The following PCDHGA8 variants were observed in gnomAD, a reference collection of about 807,000 sequenced individuals.
PCDHGA8 encodes the protein protocadherin gamma-A8.
In PCDHGA8, 45 loss-of-function variants were observed where a neutral mutation model predicts 59.2. The observed-to-expected ratio is 0.76, with a 90% CI of 0.60 to 0.98. The LOEUF (loss-of-function observed/expected upper bound fraction) is 0.98. Ranked by LOEUF, PCDHGA8 falls within the 50% of genes least tolerant of loss-of-function variation. The pLI, the probability that PCDHGA8 is intolerant of heterozygous loss-of-function variation, is 0.00. For synonymous variants in PCDHGA8, 531 were observed against 519.0 expected (o/e 1.02, Z -0.32); for missense variants, 1,257 against 1,196.2 (o/e 1.05, Z -0.75).
chr5:141,465,520 G>C (rs2099104807), intron 1 of PCDHGA8, among the ~76,000 whole-genome samples: 1 of 152,144 alleles, frequency 6.6e-6, no homozygotes, highest in Non-Finnish European at 1.5e-5. Flanking sequence ...GAAGGATTCT[G>C]GGGAAGTTTT....
intron 1 of PCDHGA8, chr5:141,484,966 G>C: frequency 1.7e-6 from 1 of 583,968 alleles, no homozygotes. Context: ...GAGCCCGGGA[G>C]CCGCTGTCTG....
chr5:141,412,534 A>G (rs1324712420), intron 1 of PCDHGA8: 1 of 152,192 alleles, frequency 6.6e-6, no homozygotes, highest in African/African-American at 2.4e-5. Context: ...ACAATTATAA[A>G]GCTTCAGAGT....
chr5:141,417,023 T>C (rs2096074487), intron 1 of PCDHGA8: 1 of 139,106 alleles, frequency 7.2e-6, no homozygotes, highest in South Asian at 2.3e-4. Flanking sequence ...TTTTGAAAAA[T>C]ACAGGTTTTT....
chr5:141,473,988 G>A (rs1006988447), intron 1 of PCDHGA8, among the ~76,000 whole-genome samples: 1 of 152,118 alleles, frequency 6.6e-6, no homozygotes, highest in African/African-American at 2.4e-5. Flanking sequence ...AGGATCCCTT[G>A]AGCCCAAGGA....
intron 1 of PCDHGA8, among the ~76,000 whole-genome samples, chr5:141,484,107 A>C (rs13361997): frequency 0.24 from 37,195 of 152,070 alleles, 6,332 homozygotes; most frequent in African/African-American, 0.48. Context: ...TAATTAACAA[A>C]AGATCAAGAA....
chr5:141,492,552 T>A (rs1444534113), intron 1 of PCDHGA8, among the ~76,000 whole-genome samples: 1 of 152,084 alleles, frequency 6.6e-6, no homozygotes, highest in African/African-American at 2.4e-5. Context: ...CCGGGTCGCC[T>A]GGGGGGCGGC....
At chr5:141,483,648 T>TTGTGTG (rs111458813) in intron 1 of PCDHGA8, among the ~76,000 whole-genome samples, 20,229 of 149,628 alleles carry the variant, frequency 0.14, 2,147 homozygotes, top group African/African-American at 0.31. Context: ...GGGTGTGTGT[T>TTGTGTG]TGTGTGTGTG....
At chr5:141,450,796 G>GTATT (rs1490825772) in intron 1 of PCDHGA8, among the ~76,000 whole-genome samples, 8 of 145,976 alleles carry the variant, frequency 5.5e-5, no homozygotes, top group African/African-American at 1.8e-4. Flanking sequence ...CCTCATGATT[G>GTATT]TATTTATTTA....
At position 141,432,298 on chromosome 5, in the gene PCDHGA8, A is replaced by G; in HGVS notation, c.2424+37061A>G. 6.2e-7 allele frequency: 1 copy of G among 1,614,236 alleles called. No homozygotes were observed. The highest frequency in any genetic ancestry group is 8.5e-7 in the Non-Finnish European group (1 of 1,180,036). The stretch of plus-strand genomic sequence containing the variant: ...TGTCCATCAACTCCGACACTGGGGT[A>G]CTGTATGCGCTGAGCTCCTTCGACT... On this transcript the variant is annotated intron_variant, in intron 1 of 3. Transcript: ENST00000398604. This position sits in a 1 kb window ranked among gnomAD's most constrained non-coding sequence, Gnocchi z 6.0.
At position 141,410,538 on chromosome 5, in the gene PCDHGA8, T is replaced by C. The variant is rs373020361; in HGVS notation, c.2424+15301T>C. The C allele has an allele frequency of 5.6e-6, 9 of 1,613,830 alleles. No homozygotes were observed. The South Asian group carries it at 7.7e-5, about 14-fold the overall frequency. On this transcript the variant is annotated intron_variant, in intron 1 of 3. Transcript: ENST00000398604. ...GTGCCCCTACATTCCAATGAAGACA[T>C]GGTTTGCAGTGTTTCTCCTGGAGCC...
chr5:141,478,801 T>G (rs2099477985), intron 1 of PCDHGA8: 1 of 1,463,438 alleles, frequency 6.8e-7, no homozygotes, highest in African/African-American at 1.4e-5. Flanking sequence ...TCAGCACTCT[T>G]TTGCTATCAC....
intron 1 of PCDHGA8, chr5:141,410,230 C>T (rs759582867): frequency 6.2e-7 from 1 of 1,614,006 alleles, no homozygotes; most frequent in Admixed American, 1.7e-5. Flanking sequence ...CAGACCTCAG[C>T]GACCGCCCTG....
rs765661515 is a variant in PCDHGA8 at position 141,398,665 on chromosome 5, T to C, written c.2424+3428T>C. The stretch of plus-strand genomic sequence containing the variant: ...ACTCTCTCTTAACCCAAGTTTCTCA[T>C]TAATAATTAAGGAGAAACAGGATGG... On this transcript the variant is annotated intron_variant, in intron 1 of 3. Transcript: ENST00000398604. 1.9e-6 allele frequency: 3 copies of C among 1,614,002 alleles called. No homozygotes were observed. In the South Asian group the frequency reaches 3.3e-5, roughly 18 times the overall value.
chr5:141,464,515 A>C (rs969421973), intron 1 of PCDHGA8, among the ~76,000 whole-genome samples: 4 of 152,028 alleles, frequency 2.6e-5, no homozygotes, highest in Non-Finnish European at 4.4e-5. Flanking sequence ...CATAAGGTAA[A>C]GGCATATGTA....
chr5:141,421,069 A>T, intron 1 of PCDHGA8: 1 of 598,532 alleles, frequency 1.7e-6, no homozygotes, highest in Non-Finnish European at 2.8e-6. Context: ...AAGCGGAATG[A>T]GATGGATACT....
chr5:141,420,963 A>T, intron 1 of PCDHGA8: 1 of 430,262 alleles, frequency 2.3e-6, no homozygotes, highest in Non-Finnish European at 4.1e-6. Flanking sequence ...TAGTCGTTGC[A>T]ATAATAAGAA....
chr5:141,431,719 A>G lies in PCDHGA8; in HGVS notation c.2424+36482A>G. On this transcript the variant is annotated intron_variant, in intron 1 of 3. Transcript: ENST00000398604. This position sits in a 1 kb window ranked among gnomAD's most constrained non-coding sequence, Gnocchi z 4.8. ...CAGGATTCTACCAGATGGAAGTGCA[A>G]GCAATGGATAATGCAGGATATTCTG... 6.2e-7 allele frequency: 1 copy of G among 1,614,244 alleles called. No individual in the cohort carries two copies. Among genetic ancestry groups the G allele is most frequent in the Non-Finnish European group, 8.5e-7 (1 of 1,180,050 alleles).
At chr5:141,446,169 C>A (rs920519501) in intron 1 of PCDHGA8, among the ~76,000 whole-genome samples, 1 of 152,014 alleles carries the variant, frequency 6.6e-6, no homozygotes, top group African/African-American at 2.4e-5. Flanking sequence ...TTCATGAGGG[C>A]AGGGGGTGTT....
intron 1 of PCDHGA8, among the ~76,000 whole-genome samples, chr5:141,424,973 G>A (rs2096851520): frequency 6.6e-6 from 1 of 152,108 alleles, no homozygotes; most frequent in African/African-American, 2.4e-5. Flanking sequence ...AAATTACTTG[G>A]ATATTTATGT....
Sources: allele counts gnomAD v4.1 joint callset (sites outside exome capture counted in the v4.1 genomes callset), GRCh38; gene constraint gnomAD v4.1.1; non-coding constraint Gnocchi (gnomAD v3.1); transcripts MANE v1.5; gene names NCBI Gene and HGNC (gene_info 2026-07-23, HGNC 2026-07-21).